DMD: variants seen among roughly 807,000 people sequenced by gnomAD.
DMD encodes mutant dystrophin.
A neutral mutation model predicts 330.1 loss-of-function variants in DMD; 63 were observed. The observed-to-expected ratio is 0.19, with a 90% CI of 0.16 to 0.24. DMD has a LOEUF of 0.24. Ranked by LOEUF, DMD falls within the 10% of genes least tolerant of loss-of-function variation. The pLI is 1.00. For missense variants in DMD, 3,344 were observed against 2,684.1 expected (o/e 1.25, Z -5.43); for synonymous variants, 1,223 against 959.8 (o/e 1.27, Z -5.07).
At chrX:32,716,349 C>T (rs957065327) in intron 7 of DMD, among the ~76,000 whole-genome samples, 2 of 110,063 alleles carry the variant, frequency 1.8e-5, no homozygotes, top group Non-Finnish European at 3.8e-5. Flanking sequence ...TAGTACTGCC[C>T]CCTGCTTTCT....
chrX:31,506,275 A>T (rs1263182408), intron 56 of DMD, among the ~76,000 whole-genome samples: 1 of 111,554 alleles, frequency 9.0e-6, no homozygotes, highest in African/African-American at 3.3e-5. Context: ...TATAAAGAAG[A>T]AAAAAAATCT....
chrX:32,478,558 G>A (rs2041486499), intron 21 of DMD, among the ~76,000 whole-genome samples: 1 of 111,754 alleles, frequency 8.9e-6, no homozygotes, highest in African/African-American at 3.2e-5. Context: ...TGGTCCTTCA[G>A]ATAATTACAA....
rs11315047 is a variant in DMD, at chrX:32,092,724, C to CTTTTTTTTTTTT, written c.6438+124180_6438+124191dup. 3.3e-4 allele frequency among the ~76,000 whole-genome samples: 13 copies of CTTTTTTTTTTTT among 39,781 alleles called. 2 individuals are homozygous for CTTTTTTTTTTTT. Among genetic ancestry groups the CTTTTTTTTTTTT allele is most frequent in the African/African-American group, 9.9e-4 (9 of 9,083 alleles). The allele number at this position is 39,781 out of a possible 115,157, so 34.5% of individuals were successfully genotyped here. On this transcript the variant is annotated intron_variant, in intron 44 of 78. Coordinates refer to ENST00000357033, the MANE Select transcript of DMD (RefSeq NM_004006.3). ...AAAAATGTTCATCACGTTATTTTCA[C>CTTTTTTTTTTTT]TTTTTTTTTTTTTTTTTTTTTTTTT...
chrX:32,756,328 T>A (rs940935295), intron 7 of DMD: 2 of 111,927 alleles, frequency 1.8e-5, no homozygotes, highest in African/African-American at 6.5e-5. Flanking sequence ...AATCATAAAT[T>A]TCATTACTTT....
chrX:33,231,667 C>T (rs1338857650), intron 1 of DMD, among the ~76,000 whole-genome samples: 1 of 111,389 alleles, frequency 9.0e-6, no homozygotes, highest in Non-Finnish European at 1.9e-5. Flanking sequence ...CTCCAGTAGG[C>T]AATTGTGATA....
chrX:32,099,790 T>C (rs1422731301), intron 44 of DMD, among the ~76,000 whole-genome samples: 2 of 104,564 alleles, frequency 1.9e-5, no homozygotes, highest in Non-Finnish European at 3.9e-5. Context: ...ATACCTAATG[T>C]TAAATGAAGA....
chrX:31,858,690 T>G (rs1056450193), intron 48 of DMD, among the ~76,000 whole-genome samples: 25 of 111,268 alleles, frequency 2.2e-4, no homozygotes, highest in African/African-American at 7.8e-4. Flanking sequence ...GCATATACAG[T>G]ATAATGTTCA....
chrX:32,330,055 G>A lies in DMD; in HGVS notation c.5922+12045C>T, dbSNP rs760548835. 5.3e-5 allele frequency among the ~76,000 whole-genome samples: 6 copies of A among 112,310 alleles called. No individual in the cohort carries two copies. The South Asian group carries it at 2.2e-3, about 41-fold the overall frequency. ...AGCATATGGTGCTAAATTTGAGAAT[G>A]CAATCAATTCGGACTTCCATTTAGT... On this transcript the variant is annotated intron_variant, in intron 41 of 78. Coordinates refer to ENST00000357033, the MANE Select transcript of DMD (RefSeq NM_004006.3).
intron 43 of DMD, among the ~76,000 whole-genome samples, chrX:32,262,351 G>A (rs2097326704): frequency 9.0e-6 from 1 of 111,451 alleles, no homozygotes; most frequent in Non-Finnish European, 1.9e-5. Flanking sequence ...TGGGAATCAA[G>A]GGAGGGGCAG....
At chrX:32,983,580 G>C (rs1429346358) in intron 2 of DMD, among the ~76,000 whole-genome samples, 2 of 83,025 alleles carry the variant, frequency 2.4e-5, no homozygotes, top group African/African-American at 9.1e-5. Flanking sequence ...CACACATATA[G>C]GAACACCGAG....
At chrX:32,518,618 G>C (rs1335943035) in intron 17 of DMD, among the ~76,000 whole-genome samples, 1 of 111,184 alleles carries the variant, frequency 9.0e-6, no homozygotes, top group African/African-American at 3.3e-5. Context: ...GTAAGGTTTT[G>C]AGAAGTGCTT....
At chrX:31,716,957 C>T (rs977573057) in intron 52 of DMD, among the ~76,000 whole-genome samples, 1 of 110,273 alleles carries the variant, frequency 9.1e-6, no homozygotes, top group African/African-American at 3.3e-5. Context: ...CCATCTAACA[C>T]CTATTTTTAG....
chrX:31,306,392 T>C (rs112645494), intron 62 of DMD, among the ~76,000 whole-genome samples: 5 of 111,681 alleles, frequency 4.5e-5, no homozygotes, highest in South Asian at 7.5e-4. Flanking sequence ...ATAACATCTA[T>C]AGAATTTACA....
intron 1 of DMD, among the ~76,000 whole-genome samples, chrX:33,127,463 C>A (rs764261331): frequency 9.0e-6 from 1 of 110,932 alleles, no homozygotes; most frequent in African/African-American, 3.3e-5. Flanking sequence ...AATTAGGCAG[C>A]CTGGAATTAC....
At chrX:33,246,771 C>A (rs2052669905) in intron 1 of DMD, among the ~76,000 whole-genome samples, 1 of 110,705 alleles carries the variant, frequency 9.0e-6, no homozygotes, top group Non-Finnish European at 1.9e-5. Flanking sequence ...CTGCAACGTC[C>A]ACCTTCCGGG....
chrX:31,467,403 TCCGC>T (rs1458216321), intron 59 of DMD, among the ~76,000 whole-genome samples: 1 of 111,629 alleles, frequency 9.0e-6, no homozygotes, highest in Admixed American at 9.5e-5. Flanking sequence ...GAAGGCCTTT[TCCGC>T]TTCTATTGAG....
At chrX:33,300,186 G>T (rs2053641980) in intron 1 of DMD, among the ~76,000 whole-genome samples, 1 of 112,274 alleles carries the variant, frequency 8.9e-6, no homozygotes, top group Non-Finnish European at 1.9e-5. Flanking sequence ...AACTAGACCT[G>T]AAACTATCCA....
chrX:33,037,470 G>C (rs1656705213), intron 1 of DMD, among the ~76,000 whole-genome samples: 1 of 111,306 alleles, frequency 9.0e-6, no homozygotes. Flanking sequence ...TCTGCATAGG[G>C]CCATTTAAAC....
At chrX:31,793,142 G>A (rs182368845) in intron 50 of DMD, among the ~76,000 whole-genome samples, 36 of 111,085 alleles carry the variant, frequency 3.2e-4, no homozygotes, top group African/African-American at 1.1e-3. Flanking sequence ...GCTTCTCTCT[G>A]ATGTCCAGCT....
Sources: gnomAD v4.1 joint callset for allele counts (sites outside exome capture counted in the v4.1 genomes callset) on GRCh38, gnomAD v4.1.1 for gene constraint, MANE v1.5 for transcripts, NCBI Gene and HGNC (gene_info 2026-07-23, HGNC 2026-07-21) for gene names.